RBFOX3: variants seen among roughly 807,000 people sequenced by gnomAD.
RBFOX3 encodes RNA binding fox-1 homolog 3, also known as RNA binding protein fox-1 homolog 3.
Under a neutral mutation model 48.7 loss-of-function variants are expected in RBFOX3, and 17 were observed. The ratio of observed to expected loss-of-function variants is 0.35; its 90% CI spans 0.24 to 0.52. The LOEUF is 0.52. RBFOX3 is among the 20% of genes least tolerant of loss of function. The probability of loss-of-function intolerance (pLI) is 0.94; values close to 1 mark genes in which losing one functional copy is unlikely to be tolerated. For missense variants in RBFOX3, 382 were observed against 497.5 expected, an observed-to-expected ratio of 0.77 and a Z score of 2.21; for synonymous variants, 212 against 209.5, an observed-to-expected ratio of 1.01 and a Z score of -0.10.
At chr17:79,547,924 T>TG (rs1391463823) in intron 1 of RBFOX3, among the ~76,000 whole-genome samples, 1 of 152,200 alleles carries the variant, frequency 6.6e-6, no homozygotes, top group African/African-American at 2.4e-5. Flanking sequence ...GAGCAGCCAG[T>TG]GGGTTCATCT....
chr17:79,620,501 ACACATG>A, the RBFOX3 span, among the ~76,000 whole-genome samples: 1 of 147,956 alleles, frequency 6.8e-6, no homozygotes, highest in Non-Finnish European at 1.5e-5. Flanking sequence ...ACACGCGCAC[ACACATG>A]CGCATACGTG....
At chr17:79,570,380 AATAG>A (rs1390734399) in intron 1 of RBFOX3, among the ~76,000 whole-genome samples, 12 of 151,996 alleles carry the variant, frequency 7.9e-5, no homozygotes, top group African/African-American at 1.9e-4. Flanking sequence ...ACAGATGGAT[AATAG>A]ATGGATGGTA....
At chr17:79,646,416 G>T in the RBFOX3 span, among the ~76,000 whole-genome samples, 1 of 152,286 alleles carries the variant, frequency 6.6e-6, no homozygotes. Context: ...AAGAAAAGAG[G>T]TTTAATGAAC....
At chr17:79,644,431 C>A in the RBFOX3 span, among the ~76,000 whole-genome samples, 690 of 152,128 alleles carry the variant, frequency 4.5e-3, 7 homozygotes, top group Non-Finnish European at 6.1e-3. Context: ...AAAATACTAG[C>A]AAAATAAAAT....
At chr17:79,314,874 G>A (rs1270236428) in intron 2 of RBFOX3, among the ~76,000 whole-genome samples, 1 of 145,054 alleles carries the variant, frequency 6.9e-6, no homozygotes, top group Non-Finnish European at 1.5e-5. Flanking sequence ...TGGGTGTGCT[G>A]GAGGGGACTT....
rs1447840153 is a variant in RBFOX3 at position 79,392,667 on chromosome 17, C to T, written c.-174-84843G>A. On this transcript the variant is annotated intron_variant, in intron 2 of 14. Transcript: ENST00000693108. The surrounding 1 kb of genome is among the most constrained non-coding windows in gnomAD (Gnocchi z 5.0). The stretch of plus-strand genomic sequence containing the variant: ...TGTGCAGTACCACACCCTCTCTTCC[C>T]GATATCTGGCAAGCATCGGGCAGTG... Among the ~76,000 whole-genome samples, 4 of 152,116 alleles carry T rather than the reference C, an allele frequency of 2.6e-5. No individual in the cohort carries two copies. The highest frequency in any genetic ancestry group is 2.4e-5 in the African/African-American group (1 of 41,426).
At chr17:79,230,544 C>G (rs1411739055) in intron 4 of RBFOX3, among the ~76,000 whole-genome samples, 1 of 152,146 alleles carries the variant, frequency 6.6e-6, no homozygotes, top group African/African-American at 2.4e-5. Context: ...CAGGGGTGAG[C>G]CACGGCACCC....
At chr17:79,558,226 G>A (rs1214933183) in intron 1 of RBFOX3, among the ~76,000 whole-genome samples, 2 of 152,218 alleles carry the variant, frequency 1.3e-5, no homozygotes, top group East Asian at 1.9e-4. Context: ...CAGGCCCAGG[G>A]ATCTACCTGG....
At chr17:79,500,128 C>T (rs989405538) in intron 1 of RBFOX3, among the ~76,000 whole-genome samples, 2 of 152,200 alleles carry the variant, frequency 1.3e-5, no homozygotes, top group South Asian at 4.1e-4. Flanking sequence ...TAGAGCACAG[C>T]TGCCCCAGCT....
At chr17:79,315,650 G>T (rs532097763) in intron 2 of RBFOX3, among the ~76,000 whole-genome samples, 1 of 152,208 alleles carries the variant, frequency 6.6e-6, no homozygotes, top group East Asian at 1.9e-4. Context: ...TCAAATTCCA[G>T]GTCATTACTC....
rs1201050278 is a variant in RBFOX3, at chr17:79,482,848, G to C, written c.-319-250C>G. Among the ~76,000 whole-genome samples, 3 of 151,906 alleles carry C rather than the reference G, an allele frequency of 2.0e-5. No homozygotes were observed. The highest frequency in any genetic ancestry group is 4.4e-5 in the Non-Finnish European group (3 of 67,968). The stretch of plus-strand genomic sequence containing the variant: ...GACCCTATTGCCAAACAGCCACCGT[G>C]CAGTCCATCCCAGGGTCCGCCCCTC... On this transcript the variant is annotated intron_variant, in intron 1 of 14. Transcript: ENST00000693108. The surrounding 1 kb of genome is among the most constrained non-coding windows in gnomAD (Gnocchi z 4.1).
intron 1 of RBFOX3, among the ~76,000 whole-genome samples, chr17:79,506,461 C>T (rs1235276266): frequency 2.6e-5 from 4 of 152,352 alleles, no homozygotes; most frequent in African/African-American, 9.6e-5. Context: ...GCTGGGTGAC[C>T]TCCACACTCC....
upstream of RBFOX3, among the ~76,000 whole-genome samples, chr17:79,613,511 G>A (rs2093982806): frequency 6.6e-6 from 1 of 152,210 alleles, no homozygotes; most frequent in Admixed American, 6.5e-5. Flanking sequence ...CTCTGATTTG[G>A]AAACTTTAAT....
At chr17:79,303,834 C>T (rs12603079) in intron 3 of RBFOX3, among the ~76,000 whole-genome samples, 2,722 of 142,406 alleles carry the variant, frequency 0.019, 94 homozygotes, top group South Asian at 0.16. Context: ...TGTTTGTATG[C>T]ATGTGTGCAT....
intron 3 of RBFOX3, among the ~76,000 whole-genome samples, chr17:79,273,162 C>G (rs1169347200): frequency 6.6e-6 from 1 of 152,134 alleles, no homozygotes; most frequent in Non-Finnish European, 1.5e-5. Context: ...ACTGCCCTGC[C>G]TGTGCCAGCA....
intron 4 of RBFOX3, among the ~76,000 whole-genome samples, chr17:79,117,447 C>T (rs2034381103): frequency 6.6e-6 from 1 of 152,206 alleles, no homozygotes; most frequent in Non-Finnish European, 1.5e-5. Context: ...TTGTTCACAC[C>T]ACACACGTTA....
chr17:79,223,800 C>T (rs560429806), intron 4 of RBFOX3, among the ~76,000 whole-genome samples: 4 of 152,274 alleles, frequency 2.6e-5, no homozygotes, highest in South Asian at 4.1e-4. Flanking sequence ...TGTGGCAGTG[C>T]GCCCCCCCTA....
At chr17:79,223,252 C>G (rs557991988) in intron 4 of RBFOX3, among the ~76,000 whole-genome samples, 27 of 152,308 alleles carry the variant, frequency 1.8e-4, no homozygotes, top group African/African-American at 6.0e-4. Flanking sequence ...TCCCCCTACA[C>G]ACACACAGCT....
intron 2 of RBFOX3, among the ~76,000 whole-genome samples, chr17:79,368,835 C>T (rs940266109): frequency 6.6e-6 from 1 of 152,208 alleles, no homozygotes; most frequent in Non-Finnish European, 1.5e-5. Flanking sequence ...ATAAAATGAA[C>T]TTTAAGGGCC....
Sources: gnomAD v4.1 joint callset for allele counts (sites outside exome capture counted in the v4.1 genomes callset) on GRCh38, gnomAD v4.1.1 for gene constraint, Gnocchi (gnomAD v3.1) non-coding constraint, MANE v1.5 for transcripts, NCBI Gene and HGNC (gene_info 2026-07-23, HGNC 2026-07-21) for gene names.